The following EEIG2 variants were observed in gnomAD, a reference collection of about 807,000 sequenced individuals.
EEIG2 encodes the protein family with sequence similarity 102 member B.
the EEIG2 span, chr1:108,616,558 G>C: frequency 3.2e-6 from 2 of 623,496 alleles, no homozygotes; most frequent in Non-Finnish European, 5.5e-6. Context: ...TCTTCCCTGG[G>C]AGACTGACCT....
the EEIG2 span, chr1:108,616,477 G>C: frequency 8.3e-7 from 1 of 1,208,184 alleles, no homozygotes; most frequent in South Asian, 1.3e-5. Flanking sequence ...GTATAAGAAA[G>C]ATTTATTTGT....
At chr1:108,567,279 C>T in the EEIG2 span, among the ~76,000 whole-genome samples, 6 of 152,142 alleles carry the variant, frequency 3.9e-5, no homozygotes, top group East Asian at 5.8e-4. Flanking sequence ...TTTCCCAGTG[C>T]GTCAGGAACT....
At chr1:108,591,638 A>G in the EEIG2 span, among the ~76,000 whole-genome samples, 1 of 152,192 alleles carries the variant, frequency 6.6e-6, no homozygotes, top group Admixed American at 6.5e-5. Flanking sequence ...GAATGATGGA[A>G]GAAGTGGAGG....
the EEIG2 span, among the ~76,000 whole-genome samples, chr1:108,613,886 C>T: frequency 6.6e-6 from 1 of 152,058 alleles, no homozygotes; most frequent in Non-Finnish European, 1.5e-5. Context: ...CTTAAACTCC[C>T]TATCTCCAGC....
At chr1:108,606,843 T>G in the EEIG2 span, among the ~76,000 whole-genome samples, 9 of 152,308 alleles carry the variant, frequency 5.9e-5, no homozygotes, top group East Asian at 1.5e-3. Flanking sequence ...TTTTTATTTT[T>G]GTAGAGATGG....
the EEIG2 span, among the ~76,000 whole-genome samples, chr1:108,586,186 A>G: frequency 6.6e-6 from 1 of 152,042 alleles, no homozygotes; most frequent in Non-Finnish European, 1.5e-5. Context: ...CCAGACATGC[A>G]TGCAGAAGAC....
the EEIG2 span, among the ~76,000 whole-genome samples, chr1:108,566,404 A>AT: frequency 6.6e-6 from 1 of 152,156 alleles, no homozygotes; most frequent in African/African-American, 2.4e-5. Context: ...CATTAAATTG[A>AT]TTTTTTAAGA....
At chr1:108,631,097 A>G in the EEIG2 span, 1 of 380,716 alleles carries the variant, frequency 2.6e-6, no homozygotes, top group Non-Finnish European at 5.3e-6. Context: ...GGATTTACAG[A>G]AGATGTAACA....
At chr1:108,565,742 T>C in the EEIG2 span, among the ~76,000 whole-genome samples, 1 of 152,208 alleles carries the variant, frequency 6.6e-6, no homozygotes, top group Non-Finnish European at 1.5e-5. Flanking sequence ...GACCTTTTAC[T>C]CTAAACAAGC....
At chr1:108,614,534 A>G in the EEIG2 span, among the ~76,000 whole-genome samples, 1 of 152,158 alleles carries the variant, frequency 6.6e-6, no homozygotes, top group Non-Finnish European at 1.5e-5. Context: ...AACAGAAGCC[A>G]TTAAACTCAA....
At chr1:108,631,098 A>G in the EEIG2 span, 2 of 382,436 alleles carry the variant, frequency 5.2e-6, no homozygotes, top group Admixed American at 6.2e-5. Context: ...GATTTACAGA[A>G]GATGTAACAC....
the EEIG2 span, among the ~76,000 whole-genome samples, chr1:108,616,798 G>C: frequency 6.6e-6 from 1 of 152,126 alleles, no homozygotes; most frequent in African/African-American, 2.4e-5. Context: ...GAAAAAAATA[G>C]ATTAAGTCCC....
the EEIG2 span, among the ~76,000 whole-genome samples, chr1:108,629,060 C>G: frequency 6.6e-6 from 1 of 152,086 alleles, no homozygotes; most frequent in Non-Finnish European, 1.5e-5. Context: ...TTTAATTATG[C>G]CTAGATGTCT....
At chr1:108,584,796 T>A in the EEIG2 span, among the ~76,000 whole-genome samples, 12 of 152,234 alleles carry the variant, frequency 7.9e-5, no homozygotes, top group Admixed American at 4.6e-4. Context: ...AACAAATGAC[T>A]TACAGGAAGT....
the EEIG2 span, chr1:108,560,168 A>G: frequency 6.1e-6 from 1 of 163,448 alleles, no homozygotes; most frequent in Non-Finnish European, 1.3e-5. Context: ...AAGGGCGCTC[A>G]CCTCCCCGGG....
the EEIG2 span, among the ~76,000 whole-genome samples, chr1:108,566,872 T>C: frequency 6.6e-6 from 1 of 152,126 alleles, no homozygotes; most frequent in Non-Finnish European, 1.5e-5. Context: ...TGGGGAACTG[T>C]TGGTCATAGG....
the EEIG2 span, among the ~76,000 whole-genome samples, chr1:108,630,383 C>T: frequency 3.9e-5 from 6 of 152,092 alleles, no homozygotes; most frequent in African/African-American, 1.4e-4. Context: ...AATGAGAACA[C>T]ATGGAGACAG....
At chr1:108,596,329 A>G in the EEIG2 span, among the ~76,000 whole-genome samples, 1 of 152,300 alleles carries the variant, frequency 6.6e-6, no homozygotes, top group Non-Finnish European at 1.5e-5. Context: ...AAGTTCCACA[A>G]GGCATATTAT....
the EEIG2 span, chr1:108,628,035 G>C: frequency 2.1e-5 from 15 of 710,034 alleles, no homozygotes; most frequent in South Asian, 2.7e-4. Context: ...GACTTAAAAG[G>C]ATGTCCCTCA....
Sources: gnomAD v4.1 joint callset for allele counts (sites outside exome capture counted in the v4.1 genomes callset) on GRCh38, gnomAD v4.1.1 for gene constraint, MANE v1.5 for transcripts, NCBI Gene and HGNC (gene_info 2026-07-23, HGNC 2026-07-21) for gene names.